Variants in CLYBL observed in about 807,000 individuals in gnomAD.
CLYBL encodes citramalyl-CoA lyase, mitochondrial.
A neutral mutation model predicts 38.9 loss-of-function variants in CLYBL; 31 were observed. That is an observed-to-expected ratio of 0.80 (90% CI 0.60 to 1.08). CLYBL has a LOEUF of 1.08. Ranked by LOEUF, CLYBL falls within the 50% of genes least tolerant of loss-of-function variation. CLYBL has a pLI of 0.00. For missense variants in CLYBL, 434 were observed against 411.6 expected (o/e 1.05, Z -0.47); for synonymous variants, 171 against 158.6 (o/e 1.08, Z -0.59).
intron 1 of CLYBL, among the ~76,000 whole-genome samples, chr13:99,685,383 A>G (rs1037362390): frequency 5.3e-5 from 8 of 152,234 alleles, no homozygotes; most frequent in Non-Finnish European, 1.0e-4. Flanking sequence ...AGAAAAGCCA[A>G]TGTTTCAACA....
intron 1 of CLYBL, among the ~76,000 whole-genome samples, chr13:99,610,748 C>T (rs2046613657): frequency 6.6e-6 from 1 of 152,122 alleles, no homozygotes; most frequent in African/African-American, 2.4e-5. Flanking sequence ...TGTGCGTGGC[C>T]TCCTAGAGTC....
chr13:99,861,121 C>A (rs2139208015), intron 3 of CLYBL, among the ~76,000 whole-genome samples: 1 of 152,226 alleles, frequency 6.6e-6, no homozygotes, highest in South Asian at 2.1e-4. Context: ...CTGAAATGAA[C>A]ACTTTACCAG....
At chr13:99,737,115 T>C (rs922771679) in intron 1 of CLYBL, among the ~76,000 whole-genome samples, 4 of 146,342 alleles carry the variant, frequency 2.7e-5, no homozygotes, top group African/African-American at 9.8e-5. Flanking sequence ...GGTTAAGTTC[T>C]GAAGAATATG....
At chr13:99,700,643 C>T (rs1488463877) in intron 1 of CLYBL, among the ~76,000 whole-genome samples, 2 of 152,086 alleles carry the variant, frequency 1.3e-5, no homozygotes, top group African/African-American at 2.4e-5. Flanking sequence ...TGAGGGGCCC[C>T]GAAGCCTTGA....
intron 1 of CLYBL, among the ~76,000 whole-genome samples, chr13:99,743,587 A>G (rs2048794267): frequency 6.6e-6 from 1 of 152,218 alleles, no homozygotes; most frequent in South Asian, 2.1e-4. Context: ...AGCATGTGTG[A>G]TAAAATGCAC....
intron 2 of CLYBL, among the ~76,000 whole-genome samples, chr13:99,815,242 G>A (rs746619554): frequency 4.6e-5 from 7 of 152,246 alleles, no homozygotes; most frequent in Non-Finnish European, 7.4e-5. Flanking sequence ...AAAACCTTGC[G>A]TGCTGCAAGA....
At chr13:99,665,781 A>G (rs1185112852) in intron 1 of CLYBL, among the ~76,000 whole-genome samples, 1 of 152,214 alleles carries the variant, frequency 6.6e-6, no homozygotes, top group African/African-American at 2.4e-5. Context: ...AAACAACTCT[A>G]ACGTCAAAAT....
At chr13:99,774,188 G>A (rs1372717528) in intron 2 of CLYBL, among the ~76,000 whole-genome samples, 2 of 152,094 alleles carry the variant, frequency 1.3e-5, no homozygotes, top group East Asian at 1.9e-4. Context: ...AACCATGATC[G>A]TGCCACTGCA....
At chr13:99,701,234 G>T (rs896911401) in intron 1 of CLYBL, among the ~76,000 whole-genome samples, 1 of 152,178 alleles carries the variant, frequency 6.6e-6, no homozygotes, top group Admixed American at 6.5e-5. Context: ...ATGCATATCA[G>T]GAAATGTTAC....
At chr13:99,641,714 A>G (rs2047097546) in intron 1 of CLYBL, among the ~76,000 whole-genome samples, 2 of 151,934 alleles carry the variant, frequency 1.3e-5, no homozygotes, top group Admixed American at 1.3e-4. Flanking sequence ...TGGGAGGCTG[A>G]GGCAGGAGAA....
chr13:99,651,680 C>G (rs577492616), intron 1 of CLYBL, among the ~76,000 whole-genome samples: 90 of 152,258 alleles, frequency 5.9e-4, no homozygotes, highest in African/African-American at 2.1e-3. Flanking sequence ...GCCTGTAATC[C>G]CAACACTTTG....
At chr13:99,726,859 A>G (rs1336866601) in intron 1 of CLYBL, among the ~76,000 whole-genome samples, 1 of 152,160 alleles carries the variant, frequency 6.6e-6, no homozygotes, top group African/African-American at 2.4e-5. Flanking sequence ...GCAAGGATGT[A>G]CATCAGAACC....
rs114706053 is a variant in CLYBL, at chr13:99,903,531, C to T, written c.*25-1739C>T. On this transcript the variant is annotated intron_variant and NMD_transcript_variant, in intron 8 of 9. Coordinates refer to the CLYBL transcript ENST00000689673. ...CGTAAACATTTCTTTTTGATCCTTT[C>T]GATTTCCATGATTTCCACCTGGAAA... Among the ~76,000 whole-genome samples, 1,242 of 152,272 alleles carry T rather than the reference C, an allele frequency of 8.2e-3. 19 individuals carry two copies. Among genetic ancestry groups the T allele is most frequent in the African/African-American group, 0.028 (1,154 of 41,544 alleles).
At chr13:99,810,547 G>A (rs191013777) in intron 2 of CLYBL, among the ~76,000 whole-genome samples, 1 of 152,138 alleles carries the variant, frequency 6.6e-6, no homozygotes, top group Non-Finnish European at 1.5e-5. Flanking sequence ...CAGAGCCCAG[G>A]GTCATGCAGG....
chr13:99,812,365 T>G (rs1205533958), intron 2 of CLYBL, among the ~76,000 whole-genome samples: 1 of 152,186 alleles, frequency 6.6e-6, no homozygotes, highest in Non-Finnish European at 1.5e-5. Flanking sequence ...TATAGACATA[T>G]AGATGTTTGG....
At chr13:99,683,814 A>G (rs1242366387) in intron 1 of CLYBL, among the ~76,000 whole-genome samples, 1 of 151,194 alleles carries the variant, frequency 6.6e-6, no homozygotes, top group African/African-American at 2.4e-5. Context: ...AACCAGTAAC[A>G]TTTATTATTA....
At chr13:99,776,493 C>T (rs2049519696) in intron 2 of CLYBL, among the ~76,000 whole-genome samples, 2 of 130,552 alleles carry the variant, frequency 1.5e-5, no homozygotes, top group African/African-American at 5.7e-5. Context: ...AGGACTCTGT[C>T]TCAAAAAAAA....
At position 99,866,606 on chromosome 13, in the gene CLYBL, C is replaced by CA. The variant is rs770125759; in HGVS notation, c.802+200dup. Among the ~76,000 whole-genome samples the CA allele has an allele frequency of 4.0e-4, 61 of 151,454 alleles. No individual in the cohort carries two copies. The Middle Eastern group carries it at 0.014, about 34-fold the overall frequency. ...TCCTTGGCCCTGCAAGTCAACAAAT[C>CA]ACTCATTTTATTTCCTCTTTATATT... On this transcript the variant is annotated intron_variant, in intron 6 of 8. Coordinates refer to ENST00000339105, the MANE Select transcript of CLYBL (RefSeq NM_206808.5).
At chr13:99,862,728 A>G (rs1465641071) in intron 3 of CLYBL, among the ~76,000 whole-genome samples, 4 of 152,200 alleles carry the variant, frequency 2.6e-5, no homozygotes, top group Non-Finnish European at 5.9e-5. Flanking sequence ...CTCTCCTTCC[A>G]GTTCTAACTC....
Sources: gnomAD v4.1 joint callset for allele counts (sites outside exome capture counted in the v4.1 genomes callset) on GRCh38, gnomAD v4.1.1 for gene constraint, MANE v1.5 for transcripts, NCBI Gene and HGNC (gene_info 2026-07-23, HGNC 2026-07-21) for gene names.